The following FRMD3 variants were observed in gnomAD, a reference collection of about 807,000 sequenced individuals.
FRMD3 encodes the protein FERM domain-containing protein 3.
FRMD3 carries 33 observed loss-of-function variants against 70.2 expected under a neutral mutation model. The ratio of observed to expected loss-of-function variants is 0.47; its 90% confidence interval spans 0.36 to 0.63. FRMD3 has a LOEUF of 0.63. FRMD3 is among the 20% of genes least tolerant of loss of function. FRMD3 has a pLI of 0.00. For missense variants in FRMD3, 632 were observed against 711.4 expected (o/e 0.89, Z 1.27); for synonymous variants, 279 against 255.9 (o/e 1.09, Z -0.86).
At position 83,443,711 on chromosome 9, in the gene FRMD3, G is replaced by A. The variant is rs137861112; in HGVS notation, c.148-54003C>T. Among the ~76,000 whole-genome samples, 69 of 152,208 alleles carry A rather than the reference G, an allele frequency of 4.5e-4. No homozygotes were observed. The Middle Eastern group carries it at 0.02, about 45-fold the overall frequency. On this transcript the variant is annotated intron_variant, in intron 1 of 13. Transcript: ENST00000304195. ...TCTAGTTCCAGATCCTCGAGGAATC[G>A]CCACACTGTCCCCCACAATTGTTGA... is the stretch of plus-strand genomic sequence containing the variant.
Position 83,310,470 on chromosome 9 carries a change from A to G in FRMD3, c.837+15T>C. The G allele has an allele frequency of 6.3e-7, 1 of 1,597,848 alleles. No homozygotes were observed. The highest frequency in any genetic ancestry group is 8.5e-7 in the Non-Finnish European group (1 of 1,173,100). ...ACACACAATAACAGGCAGTTAAAAA[A>G]AAGCAGTATCTGACCTCCTTCTGGG... On this transcript the variant is annotated intron_variant, in intron 9 of 13. Coordinates refer to ENST00000304195, the MANE Select transcript of FRMD3 (RefSeq NM_174938.6).
At chr9:83,507,745 G>T in intron 1 of FRMD3, among the ~76,000 whole-genome samples, 2 of 76,312 alleles carry the variant, frequency 2.6e-5, no homozygotes, top group Non-Finnish European at 5.5e-5. Flanking sequence ...TATATCTTCT[G>T]GAATATTTCC....
At chr9:83,362,658 G>C (rs980978300) in intron 3 of FRMD3, among the ~76,000 whole-genome samples, 2 of 152,212 alleles carry the variant, frequency 1.3e-5, no homozygotes, top group African/African-American at 4.8e-5. Context: ...TGGAGAGCTT[G>C]TTTAGAAGAG....
chr9:83,396,619 G>C (rs1825818310), intron 1 of FRMD3, among the ~76,000 whole-genome samples: 1 of 152,186 alleles, frequency 6.6e-6, no homozygotes, highest in Non-Finnish European at 1.5e-5. Context: ...GAGGGCTTCT[G>C]GGATAATTCT....
In FRMD3 at chr9:83,416,772, TCTCTCTCTCTCTCTCA is replaced by T. The variant is rs1436381736; in HGVS notation, c.148-27080_148-27065del. Among the ~76,000 whole-genome samples the T allele has an allele frequency of 5.9e-3, 755 of 127,462 alleles. 4 individuals are homozygous for T. The highest frequency in any genetic ancestry group is 0.023 in the African/African-American group (702 of 30,716). The allele number at this position is 127,462 out of a possible 152,430, so 83.6% of individuals were successfully genotyped here. A position where few individuals can be genotyped will look rare whatever the true frequency, so the allele number is the denominator to read the frequency against. On this transcript the variant is annotated intron_variant, in intron 1 of 13. Transcript: ENST00000304195. Reference sequence around the variant, plus strand: ...CTCTCTCTCTCTCTCTCTCTCTCTCTCTCTCTCTCTCTCTCACTCTCTCTCTCTCTTACTCTTTCAC... The same window carrying T: ...CTCTCTCTCTCTCTCTCTCTCTCTCTCTCTCTCTCTCTCTTACTCTTTCAC...
upstream of FRMD3, chr9:83,538,569 C>A: frequency 5.0e-6 from 1 of 199,900 alleles, no homozygotes; most frequent in African/African-American, 2.3e-5. This position sits in a 1 kb window ranked among gnomAD's most constrained non-coding sequence, Gnocchi z 4.7. Context: ...CCACGCGCGC[C>A]GAGCAGCTGA....
At chr9:83,343,041 G>A (rs1461518821) in intron 5 of FRMD3, 149 bp downstream of exon 5, 2 of 657,014 alleles carry the variant, frequency 3.0e-6, no homozygotes, top group Non-Finnish European at 5.5e-6. Context: ...GGGAAGGTGA[G>A]TTGGGGTTCT....
chr9:83,353,094 C>T (rs1258579161), intron 3 of FRMD3, among the ~76,000 whole-genome samples: 3 of 151,938 alleles, frequency 2.0e-5, no homozygotes, highest in Non-Finnish European at 4.4e-5. Context: ...TCATATATGC[C>T]CTACTGTGTT....
chr9:83,288,817 A>G (rs986048272), intron 13 of FRMD3, among the ~76,000 whole-genome samples: 2 of 152,266 alleles, frequency 1.3e-5, no homozygotes, highest in African/African-American at 4.8e-5. Flanking sequence ...GGAGCAAAAC[A>G]GATGTCCCTA....
chr9:83,254,033 C>T (rs1348359463), intron 13 of FRMD3, among the ~76,000 whole-genome samples: 1 of 150,776 alleles, frequency 6.6e-6, no homozygotes, highest in Non-Finnish European at 1.5e-5. Flanking sequence ...CCAAACACCA[C>T]ATGTTCTCAC....
chr9:83,405,823 T>C (rs1048698430), intron 1 of FRMD3, among the ~76,000 whole-genome samples: 4 of 151,486 alleles, frequency 2.6e-5, no homozygotes, highest in Non-Finnish European at 5.9e-5. Context: ...GCAGTGAGGG[T>C]GGGACCAGAG....
At chr9:83,358,681 T>C (rs1824485779) in intron 3 of FRMD3, among the ~76,000 whole-genome samples, 1 of 118,348 alleles carries the variant, frequency 8.4e-6, no homozygotes, top group African/African-American at 3.1e-5. Context: ...AGTATTTATT[T>C]ATTTATTTAT....
chr9:83,394,233 G>A (rs1825751197), intron 1 of FRMD3, among the ~76,000 whole-genome samples: 2 of 152,084 alleles, frequency 1.3e-5, no homozygotes, highest in African/African-American at 4.8e-5. Flanking sequence ...GAAAGTGTTA[G>A]TCTCCTGGGT....
At chr9:83,401,373 C>T (rs1428537600) in intron 1 of FRMD3, among the ~76,000 whole-genome samples, 3 of 152,152 alleles carry the variant, frequency 2.0e-5, no homozygotes, top group Non-Finnish European at 2.9e-5. Flanking sequence ...TTGGAAGGTA[C>T]TATAGAGATA....
chr9:83,546,703 G>A, the FRMD3 span, among the ~76,000 whole-genome samples: 1 of 151,776 alleles, frequency 6.6e-6, no homozygotes, highest in Non-Finnish European at 1.5e-5. Context: ...TCCACTCCTG[G>A]CCAACATGGT....
At chr9:83,252,949 C>T (rs547049884) in intron 13 of FRMD3, among the ~76,000 whole-genome samples, 1 of 152,220 alleles carries the variant, frequency 6.6e-6, no homozygotes, top group East Asian at 1.9e-4. Flanking sequence ...ACTCCACTGA[C>T]AATATTAGAT....
At chr9:83,341,748 G>A (rs758579752) in intron 5 of FRMD3, among the ~76,000 whole-genome samples, 21 of 152,158 alleles carry the variant, frequency 1.4e-4, no homozygotes, top group East Asian at 1.9e-4. Context: ...AAAATCTGCT[G>A]TCCAGGATGA....
the FRMD3 span, among the ~76,000 whole-genome samples, chr9:83,584,519 G>T: frequency 6.6e-6 from 1 of 152,038 alleles, no homozygotes; most frequent in African/African-American, 2.4e-5. Context: ...AGCGAAGGGG[G>T]TGTTGGTATT....
intron 4 of FRMD3, among the ~76,000 whole-genome samples, chr9:83,343,849 T>C (rs1189733271): frequency 6.6e-6 from 1 of 152,108 alleles, no homozygotes; most frequent in Non-Finnish European, 1.5e-5. Flanking sequence ...ACTCCAGGGA[T>C]GGCACACTCA....
Sources: allele counts gnomAD v4.1 joint callset (sites outside exome capture counted in the v4.1 genomes callset), GRCh38; gene constraint gnomAD v4.1.1; non-coding constraint Gnocchi (gnomAD v3.1); transcripts MANE v1.5; gene names NCBI Gene and HGNC (gene_info 2026-07-23, HGNC 2026-07-21).